Variants in PCDHA11 observed in about 807,000 individuals in gnomAD.
PCDHA11 encodes the protein protocadherin alpha-11.
PCDHA11 carries 61 observed loss-of-function variants against 70.3 expected under a neutral mutation model. The observed-to-expected ratio is 0.87, with a 90% CI of 0.71 to 1.07. The LOEUF (loss-of-function observed/expected upper bound fraction) is 1.07. PCDHA11 is among the 50% of genes least tolerant of loss of function. The pLI is 0.00. For synonymous variants in PCDHA11, 633 were observed against 555.1 expected, an observed-to-expected ratio of 1.14 and a Z score of -1.97; for missense variants, 1,324 against 1,237.5, an observed-to-expected ratio of 1.07 and a Z score of -1.05.
Position 141,011,328 on chromosome 5 carries a change from A to G in PCDHA11, c.*1391A>G, listed in dbSNP as rs1554263430. 2 of 153,726 alleles carry G rather than the reference A, an allele frequency of 1.3e-5. No homozygotes were observed. Among genetic ancestry groups the G allele is most frequent in the Admixed American group, 1.3e-4 (2 of 15,268 alleles). 9.5% of individuals were successfully genotyped at this position (153,726 alleles called of 1,614,324 possible). On this transcript the variant is annotated 3_prime_UTR_variant, in exon 4 of 4. Transcript: ENST00000398640. Reference sequence around the variant, plus strand: ...ATTGCTAATCTTACTAACACCTATGATGTTACCTGAAATCAATCTCCCATA... The same window carrying G: ...ATTGCTAATCTTACTAACACCTATGGTGTTACCTGAAATCAATCTCCCATA...
At chr5:140,902,051 A>G (rs998360115) in intron 1 of PCDHA11, among the ~76,000 whole-genome samples, 2 of 152,100 alleles carry the variant, frequency 1.3e-5, no homozygotes, top group African/African-American at 4.8e-5. Context: ...TTGATTTTGT[A>G]TCCTGCAACT....
chr5:140,890,283 A>G (rs1554184241), intron 1 of PCDHA11, among the ~76,000 whole-genome samples: 2 of 152,192 alleles, frequency 1.3e-5, no homozygotes, highest in Admixed American at 1.3e-4. Flanking sequence ...CACTCAGTTG[A>G]GTCAGAACCA....
intron 1 of PCDHA11, among the ~76,000 whole-genome samples, chr5:140,945,046 A>G (rs2093731107): frequency 2.0e-5 from 3 of 152,190 alleles, no homozygotes; most frequent in Non-Finnish European, 2.9e-5. Flanking sequence ...TTGGTCTTAT[A>G]TAAAGAAAAC....
chr5:140,929,875 G>A lies in PCDHA11; in HGVS notation c.2392-49074G>A, dbSNP rs1326750420. 4 of 153,064 alleles carry A rather than the reference G, an allele frequency of 2.6e-5. No individual in the cohort carries two copies. The East Asian group carries it at 7.7e-4, about 29-fold the overall frequency. 9.5% of individuals were successfully genotyped at this position (153,064 alleles called of 1,614,324 possible). A position where few individuals can be genotyped will look rare whatever the true frequency, so the allele number is the denominator to read the frequency against. On this transcript the variant is annotated intron_variant, in intron 1 of 3. Transcript: ENST00000398640. ...GAGTCAGAGAAGGCTTTGTGATAGAGATCACAGATTTAGTTGGATCTTTAA... is the reference window on the plus strand; with the variant it reads ...GAGTCAGAGAAGGCTTTGTGATAGAAATCACAGATTTAGTTGGATCTTTAA...
At chr5:140,924,765 C>T (rs574213548) in intron 1 of PCDHA11, among the ~76,000 whole-genome samples, 2 of 151,640 alleles carry the variant, frequency 1.3e-5, no homozygotes, top group Non-Finnish European at 2.9e-5. Context: ...CATGGTGGTG[C>T]GCGCTTGTAG....
chr5:140,967,487 G>C, intron 1 of PCDHA11: 8 of 1,613,290 alleles, frequency 5.0e-6, no homozygotes, highest in Non-Finnish European at 6.8e-6. Context: ...CTCGGGTACG[G>C]CACAGATCTC....
chr5:140,898,161 T>G (rs1208656854), intron 1 of PCDHA11, among the ~76,000 whole-genome samples: 1 of 152,216 alleles, frequency 6.6e-6, no homozygotes, highest in Non-Finnish European at 1.5e-5. Context: ...CTGATGGTGG[T>G]TTCTTTTGCT....
At chr5:140,928,344 G>T (rs1554205800) in intron 1 of PCDHA11, 2 of 1,614,168 alleles carry the variant, frequency 1.2e-6, no homozygotes, top group East Asian at 2.2e-5. Flanking sequence ...CTTATGAGCT[G>T]TTGGATGTTA....
At chr5:140,967,809 A>G in intron 1 of PCDHA11, 1 of 1,614,190 alleles carries the variant, frequency 6.2e-7, no homozygotes. Flanking sequence ...ATGGCAGGTC[A>G]CTGCAAGGTG....
chr5:140,927,235 C>T (rs1478545930), intron 1 of PCDHA11: 7 of 1,614,034 alleles, frequency 4.3e-6, no homozygotes, highest in Non-Finnish European at 5.9e-6. Flanking sequence ...GATTCACGTC[C>T]TGGACACCAA....
intron 1 of PCDHA11, chr5:140,966,888 C>T: frequency 1.9e-6 from 3 of 1,593,128 alleles, no homozygotes; most frequent in Non-Finnish European, 2.6e-6. Flanking sequence ...GGCCCTGCGG[C>T]CTCCCAGCTG....
At chr5:140,957,221 C>T (rs1171404836) in intron 1 of PCDHA11, among the ~76,000 whole-genome samples, 3 of 151,984 alleles carry the variant, frequency 2.0e-5, no homozygotes, top group Non-Finnish European at 4.4e-5. Flanking sequence ...AAAAATTTGG[C>T]GAAGCATTTT....
rs1362509837 is a variant in PCDHA11, at chr5:140,884,388, T to A, written c.2391+12894T>A. On this transcript the variant is annotated intron_variant, in intron 1 of 3. Transcript: ENST00000398640. ...TACTTGATCATTGCCATCTGCGCGG[T>A]GTCCAGCCTGTTGGTGCTCACGTTG... 3 of 1,613,960 alleles carry A rather than the reference T, an allele frequency of 1.9e-6. No individual in the cohort carries two copies. In the Admixed American group the frequency reaches 5.0e-5, roughly 27 times the overall value.
chr5:140,943,571 G>A (rs1164273913), intron 1 of PCDHA11, among the ~76,000 whole-genome samples: 4 of 152,152 alleles, frequency 2.6e-5, no homozygotes, highest in Admixed American at 2.6e-4. Context: ...ATTTTAATTT[G>A]TTGATCTGAG....
intron 1 of PCDHA11, among the ~76,000 whole-genome samples, chr5:140,960,822 T>C (rs1225829114): frequency 4.6e-5 from 7 of 152,080 alleles, no homozygotes; most frequent in African/African-American, 1.7e-4. Context: ...AAGTGATGAA[T>C]GGAAACTTGG....
chr5:140,994,105 A>G (rs1264024543), intron 3 of PCDHA11, among the ~76,000 whole-genome samples: 2 of 152,226 alleles, frequency 1.3e-5, no homozygotes, highest in African/African-American at 2.4e-5. Context: ...TGGAAATATT[A>G]CATTGTCATG....
chr5:140,946,806 T>A (rs965284033), intron 1 of PCDHA11, among the ~76,000 whole-genome samples: 20 of 151,184 alleles, frequency 1.3e-4, no homozygotes, highest in African/African-American at 4.6e-4. Context: ...GCAGAGAGTA[T>A]AACAGTGATT....
intron 1 of PCDHA11, among the ~76,000 whole-genome samples, chr5:140,945,772 T>A (rs538344111): frequency 1.2e-4 from 18 of 152,228 alleles, no homozygotes; most frequent in African/African-American, 4.1e-4. Context: ...GACAATTTGA[T>A]ATCCAGATGC....
At position 140,964,709 on chromosome 5, in the gene PCDHA11, A is replaced by G. The variant is rs115609419; in HGVS notation, c.2392-14240A>G. On this transcript the variant is annotated intron_variant, in intron 1 of 3. Coordinates refer to ENST00000398640, the MANE Select transcript of PCDHA11 (RefSeq NM_018902.5). ...CACTTGAGAGATTAAGGCCTCCGAG[A>G]TCAAATTACCACAGCAAACTGAGAC... is the stretch of plus-strand genomic sequence containing the variant. Among the ~76,000 whole-genome samples the G allele has an allele frequency of 4.5e-3, 689 of 152,134 alleles. 3 individuals are homozygous for G. Among genetic ancestry groups the G allele is most frequent in the African/African-American group, 0.016 (667 of 41,492 alleles).
Sources: allele counts gnomAD v4.1 joint callset (sites outside exome capture counted in the v4.1 genomes callset), GRCh38; gene constraint gnomAD v4.1.1; transcripts MANE v1.5; gene names NCBI Gene and HGNC (gene_info 2026-07-23, HGNC 2026-07-21).